Variants in MCC observed in about 807,000 individuals in gnomAD.
MCC encodes the protein MCC regulator of Wnt signaling pathway, also known as colorectal mutant cancer protein.
MCC carries 90 observed loss-of-function variants against 116.2 expected under a neutral mutation model. The ratio of observed to expected loss-of-function variants is 0.77; its 90% CI spans 0.65 to 0.92. The LOEUF (loss-of-function observed/expected upper bound fraction) is 0.92. Ranked by LOEUF, MCC falls within the 40% of genes least tolerant of loss-of-function variation. The pLI is 0.00. For missense variants in MCC, 1,516 were observed against 1,312.2 expected (o/e 1.16, Z -2.40); for synonymous variants, 578 against 510.5 (o/e 1.13, Z -1.78).
chr5:113,461,838 G>T (rs930185263), intron 1 of MCC, among the ~76,000 whole-genome samples: 1 of 151,564 alleles, frequency 6.6e-6, no homozygotes, highest in African/African-American at 2.4e-5. Flanking sequence ...ACTCCAAAGG[G>T]ACTATTCACT....
At chr5:113,126,366 G>A (rs989156730) in intron 5 of MCC, among the ~76,000 whole-genome samples, 1 of 152,112 alleles carries the variant, frequency 6.6e-6, no homozygotes. Context: ...ATGGGGCTTC[G>A]AGAGGCAACT....
chr5:113,034,216 A>G (rs1165074942), intron 17 of MCC, among the ~76,000 whole-genome samples: 1 of 152,070 alleles, frequency 6.6e-6, no homozygotes, highest in African/African-American at 2.4e-5. Context: ...TTTTAATTGA[A>G]ACGTAATGTG....
In MCC at chr5:113,434,416, G is replaced by A; in HGVS notation, c.171-49204C>T. On this transcript the variant is annotated intron_variant, in intron 1 of 18. Coordinates refer to ENST00000408903, the MANE Select transcript of MCC (RefSeq NM_001085377.2). This position sits in a 1 kb window ranked among gnomAD's most constrained non-coding sequence, Gnocchi z 4.2. ...ATGTTGAAGTCCTTGTCAAGGAGAA[G>A]GTTGTCACACTTGAGGTCCCGGTGG... 1 of 1,613,980 alleles carries A rather than the reference G, an allele frequency of 6.2e-7. No individual in the cohort carries two copies. Among genetic ancestry groups the A allele is most frequent in the Non-Finnish European group, 8.5e-7 (1 of 1,180,020 alleles).
At chr5:113,478,620 CA>C (rs1772294506) in intron 1 of MCC, among the ~76,000 whole-genome samples, 2 of 152,028 alleles carry the variant, frequency 1.3e-5, no homozygotes, top group Non-Finnish European at 2.9e-5. Flanking sequence ...GTCAAGTATG[CA>C]GTTACTGCAT....
At chr5:113,381,468 T>C in intron 2 of MCC, among the ~76,000 whole-genome samples, 1 of 151,960 alleles carries the variant, frequency 6.6e-6, no homozygotes, top group Non-Finnish European at 1.5e-5. Flanking sequence ...TATTTGGGAG[T>C]TACTGGTACA....
intron 16 of MCC, among the ~76,000 whole-genome samples, chr5:113,046,685 C>CAAAAAA (rs151183145): frequency 5.1e-5 from 3 of 58,396 alleles, no homozygotes; most frequent in Admixed American, 2.0e-4. Context: ...ACTCAAAAGG[C>CAAAAAA]AAAAAAAAAA....
At chr5:113,239,377 T>A (rs1214567176) in intron 3 of MCC, among the ~76,000 whole-genome samples, 1 of 152,208 alleles carries the variant, frequency 6.6e-6, no homozygotes, top group African/African-American at 2.4e-5. Flanking sequence ...AGGGCAGCTC[T>A]GAGAGGAAGC....
chr5:113,218,594 T>C (rs1272177948), intron 3 of MCC, among the ~76,000 whole-genome samples: 1 of 152,180 alleles, frequency 6.6e-6, no homozygotes, highest in Non-Finnish European at 1.5e-5. Context: ...AAAGTACGGG[T>C]GTATTTCAAT....
At chr5:113,294,257 T>A (rs1421874456) in intron 3 of MCC, 5 of 1,603,954 alleles carry the variant, frequency 3.1e-6, no homozygotes, top group African/African-American at 1.3e-5. Context: ...TGTGGGGAGG[T>A]CGAGGGGAGG....
intron 3 of MCC, among the ~76,000 whole-genome samples, chr5:113,222,763 G>A (rs1268738905): frequency 6.6e-6 from 1 of 152,152 alleles, no homozygotes; most frequent in Non-Finnish European, 1.5e-5. Flanking sequence ...CTAGGAGCTG[G>A]GAATGCAAAA....
chr5:113,141,495 A>G (rs932431632), intron 5 of MCC, among the ~76,000 whole-genome samples: 13 of 152,292 alleles, frequency 8.5e-5, no homozygotes, highest in African/African-American at 3.1e-4. Context: ...ACCCTGAATA[A>G]TTCAGAGGCC....
intron 1 of MCC, among the ~76,000 whole-genome samples, chr5:113,423,562 G>A (rs945377372): frequency 3.3e-5 from 5 of 152,176 alleles, no homozygotes; most frequent in Non-Finnish European, 5.9e-5. Context: ...CAGAAGTGAT[G>A]ATTAGAACAA....
intron 3 of MCC, among the ~76,000 whole-genome samples, chr5:113,174,797 C>T (rs1254980534): frequency 6.6e-6 from 1 of 152,004 alleles, no homozygotes; most frequent in African/African-American, 2.4e-5. Context: ...CTATGTTGTC[C>T]AGGCTGGTCT....
chr5:113,413,988 T>C (rs1012403448), intron 1 of MCC, among the ~76,000 whole-genome samples: 6 of 152,236 alleles, frequency 3.9e-5, no homozygotes, highest in Admixed American at 2.6e-4. Context: ...TTCTCATTGG[T>C]TTCAAAGAAC....
At chr5:113,168,801 G>A (rs1760910432) in intron 3 of MCC, among the ~76,000 whole-genome samples, 1 of 151,928 alleles carries the variant, frequency 6.6e-6, no homozygotes, top group African/African-American at 2.4e-5. Context: ...ACGGGGCAGG[G>A]GCAACAGACT....
chr5:113,472,040 G>A (rs933668903), intron 1 of MCC, among the ~76,000 whole-genome samples: 50 of 152,106 alleles, frequency 3.3e-4, no homozygotes, highest in African/African-American at 1.0e-3. Context: ...GGAGTGACCC[G>A]ATTTTCCAGG....
At chr5:113,073,846 T>C (rs2150235968) in intron 11 of MCC, among the ~76,000 whole-genome samples, 1 of 152,324 alleles carries the variant, frequency 6.6e-6, no homozygotes, top group South Asian at 2.1e-4. Flanking sequence ...CGTCCGCCAC[T>C]GCTGAGGGTT....
At chr5:113,181,900 G>A (rs1278604250) in intron 3 of MCC, among the ~76,000 whole-genome samples, 2 of 152,154 alleles carry the variant, frequency 1.3e-5, no homozygotes, top group African/African-American at 4.8e-5. Flanking sequence ...TTTAACAGTT[G>A]CCACGCAGAT....
intron 3 of MCC, among the ~76,000 whole-genome samples, chr5:113,191,169 T>C (rs546581557): frequency 7.2e-5 from 11 of 152,340 alleles, no homozygotes; most frequent in Non-Finnish European, 1.5e-4. Context: ...GCTGCTTACC[T>C]GCCTTTGCTC....
Sources: allele counts gnomAD v4.1 joint callset (sites outside exome capture counted in the v4.1 genomes callset), GRCh38; gene constraint gnomAD v4.1.1; non-coding constraint Gnocchi (gnomAD v3.1); transcripts MANE v1.5; gene names NCBI Gene and HGNC (gene_info 2026-07-23, HGNC 2026-07-21).